CD164: variants seen among roughly 807,000 people sequenced by gnomAD.
CD164 encodes CD164 molecule.
A neutral mutation model predicts 24.6 loss-of-function variants in CD164; 11 were observed. The ratio of observed to expected loss-of-function variants is 0.45; its 90% CI spans 0.28 to 0.74. CD164 has a LOEUF of 0.74. Among genes scored for constraint, CD164 ranks in the 30% least tolerant of loss-of-function variants. The probability of loss-of-function intolerance (pLI) is 0.13; values close to 1 mark genes in which losing one functional copy is unlikely to be tolerated. For missense variants in CD164, 295 were observed against 243.7 expected (o/e 1.21, Z -1.40); for synonymous variants, 126 against 100.3 (o/e 1.26, Z -1.53).
Position 109,370,365 on chromosome 6 carries a change from C to T in CD164, c.427+46G>A, listed in dbSNP as rs531976976. On this transcript the variant is annotated intron_variant, in intron 5 of 5. Coordinates refer to ENST00000310786, the MANE Select transcript of CD164 (RefSeq NM_006016.6). The stretch of plus-strand genomic sequence containing the variant: ...TGGCAGAAATTGTAAAGGGCAACAT[C>T]GTGCACACATCCTGCATCATTGCTA... 30 of 1,444,286 alleles carry T rather than the reference C, an allele frequency of 2.1e-5. No homozygotes were observed. In the East Asian group the frequency reaches 2.3e-4, roughly 11 times the overall value. 89.5% of individuals were successfully genotyped at this position (1,444,286 alleles called of 1,614,324 possible).
At position 109,382,444 on chromosome 6, in the gene CD164, C is replaced by T; in HGVS notation, c.-66G>A. The T allele has an allele frequency of 1.5e-6, 2 of 1,369,018 alleles. No homozygotes were observed. Among genetic ancestry groups the T allele is most frequent in the Non-Finnish European group, 1.9e-6 (2 of 1,046,008 alleles). 84.8% of individuals were successfully genotyped at this position (1,369,018 alleles called of 1,614,324 possible). ...GCAACGCTCAGTCAACCCCTCAATC[C>T]CCTGCGGCGCCGCCTCCGAGACTAC... On this transcript the variant is annotated 5_prime_UTR_variant, in exon 1 of 6. Transcript: ENST00000310786.
rs191386841 is a variant in CD164, at chr6:109,379,648, G to A, written c.190C>T (p.Arg64Ter). The change falls in exon 2 of 6, where the codon CGA becomes TGA. Residue 64 changes from arginine to a stop codon, truncating the protein, a stop_gained. Transcript: ENST00000310786. LOFTEE classifies it high-confidence loss of function. ...TTAAAACAGGAAACGCAGCTGTTTC[G>A]ACCTTCACAGGTTTCTGGGGAGTTG... is the stretch of plus-strand genomic sequence containing the variant. ...TTPAPETCEG[R>*]NSCVSCFNVS... The A allele has an allele frequency of 2.5e-6, 4 of 1,612,966 alleles. No homozygotes were observed. The highest frequency in any genetic ancestry group is 3.4e-6 in the Non-Finnish European group (4 of 1,179,592).
At chr6:109,382,032 G>C (rs1771783215) in intron 1 of CD164, 172 bp downstream of exon 1, 1 of 493,392 alleles carries the variant, frequency 2.0e-6, no homozygotes, top group African/African-American at 2.0e-5. Flanking sequence ...CACCCGGCCC[G>C]GCCACGAGTG....
chr6:109,368,377 A>G lies in CD164; in HGVS notation c.*474T>C, dbSNP rs2115137534. On this transcript the variant is annotated 3_prime_UTR_variant, in exon 6 of 6. Transcript: ENST00000310786. ...AAGCACAAAATTTTAATCTAAGGAT[A>G]CCATTTAGTACTACTAAATTAATAA... 1.3e-6 allele frequency: 2 copies of G among 1,496,952 alleles called. No homozygotes were observed. Among genetic ancestry groups the G allele is most frequent in the Admixed American group, 2.6e-5 (1 of 39,012 alleles). The allele number at this position is 1,496,952 out of a possible 1,614,324, so 92.7% of individuals were successfully genotyped here.
In CD164 at chr6:109,376,082, T is replaced by A; in HGVS notation, c.362A>T (p.Asn121Ile). 6.4e-7 allele frequency: 1 copy of A among 1,570,650 alleles called. No homozygotes were observed. ...CAGTCATCTTGAATTACCTGTAGAATTGGCTGTTGGCACTGGAGTGGCCGT... is the reference window on the plus strand; with the variant it reads ...CAGTCATCTTGAATTACCTGTAGAAATGGCTGTTGGCACTGGAGTGGCCGT... Reference protein sequence around the residue: ...VSTATPVPTANSTAKPTVQPS... With the variant: ...VSTATPVPTAISTAKPTVQPS... The change falls in exon 4 of 6, where the codon AAT becomes ATT. Residue 121 changes from asparagine to isoleucine, a missense_variant. Transcript: ENST00000310786.
At chr6:109,375,839 C>T in intron 4 of CD164, 1 of 452,526 alleles carries the variant, frequency 2.2e-6, no homozygotes, top group Non-Finnish European at 3.8e-6. Context: ...TTTATAGACT[C>T]AATGTACACA....
chr6:109,381,789 GC>G, intron 1 of CD164: 1 of 566,624 alleles, frequency 1.8e-6, no homozygotes, highest in Non-Finnish European at 3.1e-6. Flanking sequence ...ACAACCAGTG[GC>G]AGGGAGAGGC....
Position 109,368,525 on chromosome 6 carries a change from T to A in CD164, c.*326A>T. ...ATTTAAACTGCCAAGAGCCATGATGTTGTCTGCACAAGACAACATTTTCCA... is the reference window on the plus strand; with the variant it reads ...ATTTAAACTGCCAAGAGCCATGATGATGTCTGCACAAGACAACATTTTCCA... On this transcript the variant is annotated 3_prime_UTR_variant, in exon 6 of 6. Transcript: ENST00000310786. The A allele has an allele frequency of 7.4e-7, 1 of 1,354,028 alleles. No homozygotes were observed. Among genetic ancestry groups the A allele is most frequent in the East Asian group, 2.8e-5 (1 of 35,242 alleles). 83.9% of individuals were successfully genotyped at this position (1,354,028 alleles called of 1,614,324 possible).
chr6:109,381,434 T>C (rs1771736012), intron 1 of CD164: 2 of 689,988 alleles, frequency 2.9e-6, no homozygotes, highest in Non-Finnish European at 5.3e-6. Flanking sequence ...GAAAAAAGAA[T>C]AAACATACAA....
chr6:109,370,275 T>TCC (rs770983455), intron 5 of CD164, 136 bp downstream of exon 5: 51 of 672,294 alleles, frequency 7.6e-5, no homozygotes, highest in African/African-American at 7.3e-4. Context: ...ACTACCTTGA[T>TCC]CCCCCCTAAG....
Position 109,382,208 on chromosome 6 carries a change from T to C in CD164, c.171A>G (p.Ala57=), listed in dbSNP as rs759691786. ...VTSLPLVTTP[A]PETCEGRNSC... ...GCCCACAGGGCCCGCGCCCACCTGG[T>C]GCCGGAGTGGTGACCAGCGGGAGGG... Residue 57 remains alanine, a synonymous_variant, in exon 1 of 6, where the codon GCA becomes GCG. Transcript: ENST00000310786. The C allele has an allele frequency of 6.4e-7, 1 of 1,558,184 alleles. No individual in the cohort carries two copies.
At chr6:109,381,756 G>A in intron 1 of CD164, 1 of 577,064 alleles carries the variant, frequency 1.7e-6, no homozygotes, top group South Asian at 2.1e-5. Context: ...GGCTACCTCC[G>A]GAGAGAGGCG....
intron 2 of CD164, 67 bp downstream of exon 2, chr6:109,379,512 G>A (rs1025304162): frequency 2.5e-5 from 29 of 1,144,476 alleles, no homozygotes; most frequent in Non-Finnish European, 3.6e-5. Flanking sequence ...TAACTTTCAA[G>A]TGTTCAAGAA....
At chr6:109,375,897 ATGTG>A (rs1771378934) in intron 4 of CD164, 173 bp downstream of exon 4, 1 of 563,022 alleles carries the variant, frequency 1.8e-6, no homozygotes, top group African/African-American at 2.0e-5. Context: ...CACTGGAGCT[ATGTG>A]TCACTGTCAC....
At chr6:109,381,992 C>A in intron 1 of CD164, 1 of 390,068 alleles carries the variant, frequency 2.6e-6, no homozygotes, top group Non-Finnish European at 4.4e-6. Context: ...CACTGGGAAC[C>A]GCGCGTCCGC....
intron 4 of CD164, chr6:109,371,737 A>G (rs1462523325): frequency 2.6e-5 from 4 of 153,724 alleles, no homozygotes; most frequent in Non-Finnish European, 4.4e-5. Context: ...GGTTGTCCTA[A>G]GGGTAGGGTT....
chr6:109,370,349 T>C, intron 5 of CD164, 62 bp downstream of exon 5: 1 of 1,306,738 alleles, frequency 7.7e-7, no homozygotes. Context: ...ATGGCAGAAA[T>C]TGTAAAGGGC....
At chr6:109,375,130 TAATA>T (rs1771320865) in intron 4 of CD164, among the ~76,000 whole-genome samples, 1 of 152,150 alleles carries the variant, frequency 6.6e-6, no homozygotes, top group South Asian at 2.1e-4. Context: ...GGAATGAAAA[TAATA>T]AATCTTTCTG....
chr6:109,375,342 C>A (rs934264893), intron 4 of CD164, among the ~76,000 whole-genome samples: 1 of 151,936 alleles, frequency 6.6e-6, no homozygotes, highest in African/African-American at 2.4e-5. Flanking sequence ...ACAGGCTGGG[C>A]TCGGTGGCTC....
Sources: allele counts gnomAD v4.1 joint callset (sites outside exome capture counted in the v4.1 genomes callset), GRCh38; gene constraint gnomAD v4.1.1; transcripts MANE v1.5; gene names NCBI Gene and HGNC (gene_info 2026-07-23, HGNC 2026-07-21).